P4HA1: variants seen among roughly 807,000 people sequenced by gnomAD.
The protein encoded by P4HA1 is prolyl 4-hydroxylase subunit alpha-1.
P4HA1 carries 24 observed loss-of-function variants against 72.8 expected under a neutral mutation model. The ratio of observed to expected loss-of-function variants is 0.33; its 90% CI spans 0.24 to 0.46. The LOEUF is 0.46. P4HA1 is among the 20% of genes least tolerant of loss of function. The pLI, the probability that P4HA1 is intolerant of heterozygous loss-of-function variation, is 1.00. For missense variants in P4HA1, 446 were observed against 640.6 expected (o/e 0.70, Z 3.28); for synonymous variants, 201 against 218.8 (o/e 0.92, Z 0.72).
intron 10 of P4HA1, among the ~76,000 whole-genome samples, chr10:73,025,995 AG>A (rs1326408449): frequency 6.6e-6 from 1 of 152,258 alleles, no homozygotes; most frequent in Non-Finnish European, 1.5e-5. Flanking sequence ...GCTCATGGAT[AG>A]GAAGAATCAA....
In P4HA1 at chr10:73,068,878, T is replaced by C; in HGVS notation, c.431A>G (p.Asp144Gly). 6.2e-7 allele frequency: 1 copy of C among 1,612,860 alleles called. No individual in the cohort carries two copies. The highest frequency in any genetic ancestry group is 8.5e-7 in the Non-Finnish European group (1 of 1,178,992). Reference protein sequence around the residue: ...LLRLQDTYNLDTDTISKGNLP... With the variant: ...LLRLQDTYNLGTDTISKGNLP... ...ATTACCCTTTGAGATGGTATCTGTA[T>C]CCAAATTGTAGGTATCCTGGAGACG... The change falls in exon 5 of 15, where the codon GAT becomes GGT. Residue 144 changes from aspartate (D) to glycine (G), a missense_variant. Asp to Gly is a moderately conservative substitution (Grantham distance 94, BLOSUM62 -1). Coordinates refer to ENST00000394890, the MANE Select transcript of P4HA1 (RefSeq NM_001017962.3).
intron 4 of P4HA1, among the ~76,000 whole-genome samples, chr10:73,070,085 C>T (rs1841518870): frequency 6.9e-6 from 1 of 144,164 alleles, no homozygotes; most frequent in Admixed American, 7.1e-5. Flanking sequence ...GCTGGGATTA[C>T]AGGCATGAGC....
At chr10:73,095,972 G>C (rs1280634079) in intron 1 of P4HA1, among the ~76,000 whole-genome samples, 1 of 152,212 alleles carries the variant, frequency 6.6e-6, no homozygotes, top group East Asian at 1.9e-4. Flanking sequence ...GAATTTGTTG[G>C]ACTGATGTGG....
At chr10:73,026,462 G>A (rs1226234794) in intron 10 of P4HA1, among the ~76,000 whole-genome samples, 1 of 152,040 alleles carries the variant, frequency 6.6e-6, no homozygotes, top group Non-Finnish European at 1.5e-5. Context: ...AATTCAAGAT[G>A]GATTAAAGAC....
chr10:73,019,928 T>C (rs1840096649), intron 10 of P4HA1, among the ~76,000 whole-genome samples: 1 of 151,826 alleles, frequency 6.6e-6, no homozygotes. Flanking sequence ...CATTAAACAT[T>C]TGTATTACAG....
chr10:73,060,260 AG>A (rs752721508), intron 5 of P4HA1, among the ~76,000 whole-genome samples: 143 of 152,178 alleles, frequency 9.4e-4, no homozygotes, highest in Non-Finnish European at 1.5e-3. Flanking sequence ...CCAAATTTTC[AG>A]AAGAAAAGAG....
At chr10:73,089,731 T>G in intron 1 of P4HA1, among the ~76,000 whole-genome samples, 1 of 139,612 alleles carries the variant, frequency 7.2e-6, no homozygotes, top group South Asian at 2.2e-4. Flanking sequence ...AAAAAAAGCG[T>G]ATATACAATT....
chr10:73,072,746 C>G (rs117975647), intron 3 of P4HA1, among the ~76,000 whole-genome samples: 1 of 152,102 alleles, frequency 6.6e-6, no homozygotes, highest in African/African-American at 2.4e-5. Context: ...ATAACACTAA[C>G]GCTACCATCA....
chr10:73,007,468 C>G lies in P4HA1; in HGVS notation c.*754G>C, dbSNP rs1839817747. 1 of 151,038 alleles carries G rather than the reference C, an allele frequency of 6.6e-6. No individual in the cohort carries two copies. The highest frequency in any genetic ancestry group is 2.5e-5 in the African/African-American group (1 of 40,808). The allele number at this position is 151,038 out of a possible 1,614,324, so 9.4% of individuals were successfully genotyped here. A position where few individuals can be genotyped will look rare whatever the true frequency, so the allele number is the denominator to read the frequency against. ...AAGGTATTAGCACTAAGAAAAACAG[C>G]AAAATTCCTGAACAAAATCATCTGT... On this transcript the variant is annotated 3_prime_UTR_variant, in exon 15 of 15. Coordinates refer to ENST00000394890, the MANE Select transcript of P4HA1 (RefSeq NM_001017962.3).
intron 9 of P4HA1, among the ~76,000 whole-genome samples, chr10:73,040,317 T>G (rs886448420): frequency 3.4e-5 from 5 of 146,312 alleles, no homozygotes; most frequent in African/African-American, 7.5e-5. Flanking sequence ...CAATATTTAG[T>G]TTTTTTTTTT....
rs572434437 is a variant in P4HA1 at position 73,028,058 on chromosome 10, C to T, written c.1248+2213G>A. On this transcript the variant is annotated intron_variant, in intron 10 of 14. Coordinates refer to ENST00000394890, the MANE Select transcript of P4HA1 (RefSeq NM_001017962.3). ...AACAACAGTCAAACACTGAATAAAC[C>T]TGGCAGGTGTGCATCACAGGGGAGG... 5.1e-4 allele frequency among the ~76,000 whole-genome samples: 77 copies of T among 152,126 alleles called. No individual in the cohort carries two copies. In the South Asian group the frequency reaches 0.011, roughly 22 times the overall value.
chr10:73,093,903 TATATAC>T (rs1318868812), intron 1 of P4HA1, among the ~76,000 whole-genome samples: 12 of 75,230 alleles, frequency 1.6e-4, no homozygotes, highest in African/African-American at 6.9e-4. Context: ...TATATATATA[TATATAC>T]ACACACACAC....
chr10:73,072,844 A>G (rs6480664), intron 3 of P4HA1, among the ~76,000 whole-genome samples: 38,343 of 152,100 alleles, frequency 0.25, 9,704 homozygotes, highest in African/African-American at 0.64. Flanking sequence ...AGAGGTTAGA[A>G]GAGGATAGAA....
At chr10:73,028,347 A>ACACACAG (rs1840345050) in intron 10 of P4HA1, among the ~76,000 whole-genome samples, 1 of 139,562 alleles carries the variant, frequency 7.2e-6, no homozygotes, top group African/African-American at 2.9e-5. Flanking sequence ...CACACACACA[A>ACACACAG]AATACATTTT....
intron 10 of P4HA1, among the ~76,000 whole-genome samples, chr10:73,027,357 C>CA (rs1440918273): frequency 6.7e-6 from 1 of 149,600 alleles, no homozygotes; most frequent in Non-Finnish European, 1.5e-5. Context: ...GACAGAAAAC[C>CA]AAACACCACA....
chr10:73,031,252 G>C (rs1471785231), intron 9 of P4HA1, among the ~76,000 whole-genome samples: 1 of 152,206 alleles, frequency 6.6e-6, no homozygotes, highest in Non-Finnish European at 1.5e-5. Context: ...GGGAGGCTGA[G>C]GTGGAAAGGT....
At chr10:73,046,162 T>C (rs1840858096) in intron 8 of P4HA1, among the ~76,000 whole-genome samples, 1 of 152,104 alleles carries the variant, frequency 6.6e-6, no homozygotes, top group South Asian at 2.1e-4. Context: ...CTAAAAAATA[T>C]CTAATATTGA....
chr10:73,073,906 T>C, intron 2 of P4HA1, 79 bp from the exon 3 acceptor site: 1 of 759,574 alleles, frequency 1.3e-6, no homozygotes, highest in South Asian at 1.4e-5. Flanking sequence ...TGAGACTGTT[T>C]CATTCTATGA....
chr10:73,030,432 G>T, intron 9 of P4HA1, 62 bp from the exon 10 acceptor site: 1 of 809,792 alleles, frequency 1.2e-6, no homozygotes, highest in Non-Finnish European at 1.9e-6. Flanking sequence ...ACTAATAGCT[G>T]TTATTTTTAA....
Sources: gnomAD v4.1 joint callset for allele counts (sites outside exome capture counted in the v4.1 genomes callset) on GRCh38, gnomAD v4.1.1 for gene constraint, MANE v1.5 for transcripts, NCBI Gene and HGNC (gene_info 2026-07-23, HGNC 2026-07-21) for gene names.